Variants in CDH4 observed in about 807,000 individuals in gnomAD.
CDH4 encodes cadherin 4, also known as cadherin-4.
A neutral mutation model predicts 86.0 loss-of-function variants in CDH4; 33 were observed. The ratio of observed to expected loss-of-function variants is 0.38; its 90% CI spans 0.29 to 0.51. The LOEUF is 0.51. CDH4 is among the 20% of genes least tolerant of loss of function. The probability of loss-of-function intolerance (pLI) is 0.86; values close to 1 mark genes in which losing one functional copy is unlikely to be tolerated. For missense variants in CDH4, 1,114 were observed against 1,307.4 expected, an observed-to-expected ratio of 0.85 and a Z score of 2.28; for synonymous variants, 555 against 549.4, an observed-to-expected ratio of 1.01 and a Z score of -0.14.
intron 4 of CDH4, among the ~76,000 whole-genome samples, chr20:61,779,752 C>G (rs554625602): frequency 6.6e-6 from 1 of 152,336 alleles, no homozygotes; most frequent in African/African-American, 2.4e-5. Flanking sequence ...ACTGCTTCAG[C>G]AAATGAGTGA....
At chr20:61,616,941 G>T (rs1600810257) in intron 2 of CDH4, among the ~76,000 whole-genome samples, 1 of 152,072 alleles carries the variant, frequency 6.6e-6, no homozygotes, top group Non-Finnish European at 1.5e-5. Context: ...CTGGGTGGAG[G>T]GGGGTGACTG....
chr20:61,816,598 T>C (rs1305447173), intron 4 of CDH4, among the ~76,000 whole-genome samples: 3 of 151,494 alleles, frequency 2.0e-5, no homozygotes, highest in Non-Finnish European at 4.4e-5. Flanking sequence ...TTTCCTGCCA[T>C]GGGTGAGTGG....
At chr20:61,466,290 C>T (rs1299003921) in intron 2 of CDH4, among the ~76,000 whole-genome samples, 1 of 152,184 alleles carries the variant, frequency 6.6e-6, no homozygotes, top group Non-Finnish European at 1.5e-5. Context: ...TATGTGAGCA[C>T]AGCTGGTTTG....
At chr20:61,527,940 A>G (rs1054975822) in intron 2 of CDH4, among the ~76,000 whole-genome samples, 2 of 152,088 alleles carry the variant, frequency 1.3e-5, no homozygotes, top group African/African-American at 2.4e-5. Flanking sequence ...TGGTTTTGAG[A>G]GTGGTGATGT....
At chr20:61,611,456 C>G (rs868725087) in intron 2 of CDH4, among the ~76,000 whole-genome samples, 7 of 152,042 alleles carry the variant, frequency 4.6e-5, no homozygotes, top group Middle Eastern at 3.2e-3. Flanking sequence ...TTGGTGATCC[C>G]AGATTGCTGA....
chr20:61,716,042 AG>A (rs2087949067), intron 2 of CDH4, among the ~76,000 whole-genome samples: 2 of 152,216 alleles, frequency 1.3e-5, no homozygotes, highest in Non-Finnish European at 2.9e-5. Flanking sequence ...CCCCAGTGCC[AG>A]CTGGGGCTCT....
At chr20:61,545,508 T>C (rs2086071749) in intron 2 of CDH4, among the ~76,000 whole-genome samples, 1 of 152,236 alleles carries the variant, frequency 6.6e-6, no homozygotes, top group South Asian at 2.1e-4. Context: ...AGTCACTGTC[T>C]GGGCACCCAC....
chr20:61,570,973 A>C (rs752266577), intron 2 of CDH4, among the ~76,000 whole-genome samples: 1 of 152,128 alleles, frequency 6.6e-6, no homozygotes, highest in African/African-American at 2.4e-5. Flanking sequence ...TACATTTTGT[A>C]GCTGGAAGAT....
chr20:61,874,339 AG>A (rs1365521300), intron 7 of CDH4, among the ~76,000 whole-genome samples: 1 of 152,098 alleles, frequency 6.6e-6, no homozygotes, highest in Non-Finnish European at 1.5e-5. Flanking sequence ...GCTGTGACGA[AG>A]GGGGCATGGA....
intron 2 of CDH4, among the ~76,000 whole-genome samples, chr20:61,324,703 G>A (rs1374979881): frequency 6.6e-6 from 1 of 152,200 alleles, no homozygotes; most frequent in African/African-American, 2.4e-5. Flanking sequence ...CAAGCATGCT[G>A]CTCAACCCAG....
intron 2 of CDH4, among the ~76,000 whole-genome samples, chr20:61,309,760 T>C (rs929385364): frequency 2.7e-5 from 4 of 145,864 alleles, no homozygotes; most frequent in African/African-American, 7.6e-5. Flanking sequence ...CACAAAAGCT[T>C]CATGAACATA....
intron 2 of CDH4, among the ~76,000 whole-genome samples, chr20:61,424,751 G>A (rs892115320): frequency 9.4e-6 from 1 of 106,882 alleles, no homozygotes; most frequent in African/African-American, 2.9e-5. Context: ...ATTGTTTAGG[G>A]AGAGTGTCAT....
At chr20:61,758,346 C>G (rs1218856688) in intron 3 of CDH4, among the ~76,000 whole-genome samples, 1 of 152,234 alleles carries the variant, frequency 6.6e-6, no homozygotes, top group African/African-American at 2.4e-5. Context: ...TTACTCAGTG[C>G]TCCACTGTGG....
chr20:61,270,263 C>T (rs1030030154), intron 2 of CDH4, among the ~76,000 whole-genome samples: 5 of 152,184 alleles, frequency 3.3e-5, no homozygotes, highest in African/African-American at 1.2e-4. Context: ...AATGCTTGGG[C>T]AGCGATGAAC....
At chr20:61,302,447 A>G (rs1329212127) in intron 2 of CDH4, among the ~76,000 whole-genome samples, 1 of 151,850 alleles carries the variant, frequency 6.6e-6, no homozygotes, top group African/African-American at 2.4e-5. Context: ...AAGCAAAAGC[A>G]TCCAGGATGT....
Position 61,588,620 on chromosome 20 carries a change from G to GCCCTCC in CDH4, c.170-154935_170-154930dup, listed in dbSNP as rs112548708. 8.6e-5 allele frequency among the ~76,000 whole-genome samples: 13 copies of GCCCTCC among 151,924 alleles called. 1 individual carries two copies. The highest frequency in any genetic ancestry group is 3.1e-4 in the African/African-American group (13 of 41,432). ...TGGCCTTTGGCTTTCTCACCCCAGG[G>GCCCTCC]CCCTCCCCCTCCCGAGACCACACTA... is the stretch of plus-strand genomic sequence containing the variant. On this transcript the variant is annotated intron_variant, in intron 2 of 15. Coordinates refer to ENST00000614565, the MANE Select transcript of CDH4 (RefSeq NM_001794.5).
At chr20:61,482,929 G>A (rs764850262) in intron 2 of CDH4, among the ~76,000 whole-genome samples, 1 of 152,164 alleles carries the variant, frequency 6.6e-6, no homozygotes, top group Non-Finnish European at 1.5e-5. Flanking sequence ...TCAAGAAGCC[G>A]AGGCACAGGA....
At position 61,928,199 on chromosome 20, in the gene CDH4, C is replaced by T. The variant is rs755307987; in HGVS notation, c.1781C>T (p.Pro594Leu). ...TGTGTCTGTTCCACAGGGATACCCC[C>T]GGCCAGCGGCACCGGGACCCTCCAG... The part of the protein sequence containing the change: ...TFLAADNGIP[P>L]ASGTGTLQIY... Residue 594 changes from proline to leucine, a missense_variant, in exon 12 of 16, where the codon CCG becomes CTG. Pro to Leu is a moderately conservative substitution (Grantham distance 98, BLOSUM62 -3). Around this residue, in one of 3 missense-constraint regions of CDH4, gnomAD observed 705 missense variants for 914.1 expected, o/e 0.77. Transcript: ENST00000614565. 1.1e-5 allele frequency: 17 copies of T among 1,600,296 alleles called. No individual in the cohort carries two copies. In the African/African-American group the frequency reaches 1.2e-4, roughly 11 times the overall value.
chr20:61,923,654 GACC>G lies in CDH4; in HGVS notation c.1581_1583del (p.Thr528del), dbSNP rs2055010792. ...AGGGCGTGCCCCCCGGCACCGTGCT[GACC>G]ACGTTTTCAGCTGTGGACCCTGACC... On this transcript the variant is annotated inframe_deletion, in exon 10 of 16. Transcript: ENST00000614565. 1.2e-6 allele frequency: 2 copies of G among 1,614,066 alleles called. No individual in the cohort carries two copies. The highest frequency in any genetic ancestry group is 1.7e-6 in the Non-Finnish European group (2 of 1,180,046).
Sources: allele counts gnomAD v4.1 joint callset (sites outside exome capture counted in the v4.1 genomes callset), GRCh38; gene constraint gnomAD v4.1.1; regional missense constraint gnomAD v4.1.1; transcripts MANE v1.5; gene names NCBI Gene and HGNC (gene_info 2026-07-23, HGNC 2026-07-21).